Variants in RFX4 observed in about 807,000 individuals in gnomAD.
RFX4 encodes the protein transcription factor RFX4.
RFX4 carries 10 observed loss-of-function variants against 95.0 expected under a neutral mutation model. The ratio of observed to expected loss-of-function variants is 0.11; its 90% CI spans 0.06 to 0.18. The LOEUF (loss-of-function observed/expected upper bound fraction) is 0.18. Ranked by LOEUF, RFX4 falls within the 10% of genes least tolerant of loss-of-function variation. The pLI, the probability that RFX4 is intolerant of heterozygous loss-of-function variation, is 1.00. For missense variants in RFX4, 640 were observed against 922.0 expected (o/e 0.69, Z 3.96); for synonymous variants, 321 against 340.7 (o/e 0.94, Z 0.64).
chr12:106,631,219 C>T (rs569048275), intron 2 of RFX4, among the ~76,000 whole-genome samples: 5 of 152,314 alleles, frequency 3.3e-5, no homozygotes, highest in South Asian at 2.1e-4. Context: ...AAACATTCCC[C>T]GATGGTACTG....
At chr12:106,672,339 T>C (rs1043446748) in intron 4 of RFX4, among the ~76,000 whole-genome samples, 10 of 152,018 alleles carry the variant, frequency 6.6e-5, no homozygotes, top group African/African-American at 2.4e-4. Flanking sequence ...CCCACCCCTA[T>C]CCCTGCGGAG....
chr12:106,624,786 C>G (rs1041363943), intron 2 of RFX4, among the ~76,000 whole-genome samples: 2 of 152,188 alleles, frequency 1.3e-5, no homozygotes, highest in Non-Finnish European at 2.9e-5. Context: ...TCATGGTTTA[C>G]CTCTTGGGCT....
rs963748127 is a variant in RFX4, at chr12:106,669,880, A to G, written c.316-12113A>G. On this transcript the variant is annotated intron_variant, in intron 4 of 17. Coordinates refer to ENST00000392842, the MANE Select transcript of RFX4 (RefSeq NM_213594.3). ...TGTGTGTGTGTGTGTGTGTGTGTGT[A>G]GTGCCATGTAAAACTCTGGGGGGTC... 2.9e-3 allele frequency among the ~76,000 whole-genome samples: 214 copies of G among 73,570 alleles called. 1 individual carries two copies. The highest frequency in any genetic ancestry group is 4.4e-3 in the Non-Finnish European group (148 of 33,392). The allele number at this position is 73,570 out of a possible 152,430, so 48.3% of individuals were successfully genotyped here.
intron 17 of RFX4, among the ~76,000 whole-genome samples, chr12:106,754,357 C>CTCAT (rs1369533200): frequency 3.9e-5 from 6 of 152,216 alleles, no homozygotes; most frequent in Non-Finnish European, 7.3e-5. Context: ...CTCCAAGCAT[C>CTCAT]TCATTCATTC....
chr12:106,682,153 C>A (rs1311327778), intron 5 of RFX4, 99 bp downstream of exon 5: 12 of 1,245,718 alleles, frequency 9.6e-6, no homozygotes, highest in Non-Finnish European at 1.4e-5. Context: ...GTCTGCAGGC[C>A]TGGCAGAAGT....
rs1032534483 is a variant in RFX4 at position 106,684,973 on chromosome 12, G to A, written c.378-1911G>A. On this transcript the variant is annotated intron_variant, in intron 5 of 17. Coordinates refer to ENST00000392842, the MANE Select transcript of RFX4 (RefSeq NM_213594.3). ...TGACGTGCTCATCTCTTCCCTCCTC[G>A]CAAAAGCCCTTCCCATAATTCAAAA... is the stretch of plus-strand genomic sequence containing the variant. 19 of 1,598,138 alleles carry A rather than the reference G, an allele frequency of 1.2e-5. No individual in the cohort carries two copies. The East Asian group carries it at 1.6e-4, about 13-fold the overall frequency.
At chr12:106,757,714 T>A (rs2043136141) in intron 17 of RFX4, among the ~76,000 whole-genome samples, 1 of 152,226 alleles carries the variant, frequency 6.6e-6, no homozygotes, top group African/African-American at 2.4e-5. Flanking sequence ...TGCTCCTGAC[T>A]GGGCCACCTT....
At chr12:106,610,989 T>G (rs1055977963) in intron 2 of RFX4, among the ~76,000 whole-genome samples, 2 of 147,842 alleles carry the variant, frequency 1.4e-5, no homozygotes, top group Non-Finnish European at 1.5e-5. Context: ...TTATTTTCTG[T>G]TTTTTTTTTA....
intron 13 of RFX4, among the ~76,000 whole-genome samples, chr12:106,722,548 C>T (rs548872457): frequency 1.3e-5 from 2 of 152,248 alleles, no homozygotes; most frequent in Non-Finnish European, 2.9e-5. Context: ...AAATGTGTTT[C>T]TTTTTGAACC....
chr12:106,640,710 A>G lies in RFX4; in HGVS notation c.191+1318A>G, dbSNP rs149592640. 5.1e-4 allele frequency among the ~76,000 whole-genome samples: 77 copies of G among 151,986 alleles called. 1 individual carries two copies. Among genetic ancestry groups the G allele is most frequent in the African/African-American group, 1.8e-3 (75 of 41,440 alleles). ...ATGCAAGTTCCCATAGTGCCAAGAC[A>G]TCGAATGAGGCATCGATGTAAAGGA... On this transcript the variant is annotated intron_variant, in intron 3 of 17. Coordinates refer to ENST00000392842, the MANE Select transcript of RFX4 (RefSeq NM_213594.3).
At chr12:106,707,958 G>A (rs2042118674) in intron 8 of RFX4, among the ~76,000 whole-genome samples, 1 of 152,100 alleles carries the variant, frequency 6.6e-6, no homozygotes, top group Admixed American at 6.5e-5. Context: ...CATGGCGAAA[G>A]CCCATCTCTA....
rs2040036704 is a variant in RFX4 at position 106,614,662 on chromosome 12, C to T, written c.130+5779C>T. ...TAGCTGGGACTACAGGCACCCGCCA[C>T]CACGCCCGGCTAATTTTTTTGTATT... On this transcript the variant is annotated intron_variant, in intron 2 of 17. Transcript: ENST00000392842. Among the ~76,000 whole-genome samples, 4 of 152,020 alleles carry T rather than the reference C, an allele frequency of 2.6e-5. No homozygotes were observed. In the South Asian group the frequency reaches 8.3e-4, roughly 32 times the overall value.
At chr12:106,609,116 A>G (rs2039902629) in intron 2 of RFX4, among the ~76,000 whole-genome samples, 1 of 152,186 alleles carries the variant, frequency 6.6e-6, no homozygotes, top group South Asian at 2.1e-4. Context: ...TTACATACTC[A>G]TCTTCTGCAG....
At chr12:106,623,575 C>A (rs530075624) in intron 2 of RFX4, among the ~76,000 whole-genome samples, 4 of 152,188 alleles carry the variant, frequency 2.6e-5, no homozygotes, top group Non-Finnish European at 5.9e-5. Flanking sequence ...AACCCCAGTA[C>A]TTGGCACAGG....
At chr12:106,646,548 G>T (rs981658603) in intron 3 of RFX4, among the ~76,000 whole-genome samples, 5 of 150,194 alleles carry the variant, frequency 3.3e-5, no homozygotes, top group African/African-American at 1.2e-4. Flanking sequence ...TCAGTAGGTT[G>T]TAGGTCAAAC....
rs188297634 is a variant in RFX4, at chr12:106,620,567, A to G, written c.130+11684A>G. The stretch of plus-strand genomic sequence containing the variant: ...AAGGGCAAAAGCAGAACTACTGATA[A>G]GGGTCCAACAAAGATCACAAGGCAA... On this transcript the variant is annotated intron_variant, in intron 2 of 17. Transcript: ENST00000392842. 1.7e-4 allele frequency among the ~76,000 whole-genome samples: 26 copies of G among 152,184 alleles called. No individual in the cohort carries two copies. The East Asian group carries it at 3.7e-3, about 22-fold the overall frequency.
chr12:106,615,385 AATAAGTCGTGATATCTGGTAGC>A (rs1179423734), intron 2 of RFX4, among the ~76,000 whole-genome samples: 1 of 152,168 alleles, frequency 6.6e-6, no homozygotes, highest in Non-Finnish European at 1.5e-5. Context: ...GCACCTATAA[AATAAGTCGTGATATCTGGTAGC>A]ATAAGACCTC....
At chr12:106,697,929 G>A (rs2041912007) in intron 8 of RFX4, among the ~76,000 whole-genome samples, 1 of 151,840 alleles carries the variant, frequency 6.6e-6, no homozygotes, top group Non-Finnish European at 1.5e-5. Context: ...ATATCTGGTT[G>A]AATGTGTGTG....
At chr12:106,698,231 C>T (rs923359285) in intron 8 of RFX4, among the ~76,000 whole-genome samples, 16 of 152,058 alleles carry the variant, frequency 1.1e-4, no homozygotes, top group African/African-American at 3.9e-4. Context: ...GCCTCAGCCT[C>T]CCTTTGTGCT....
Sources: allele counts gnomAD v4.1 joint callset (sites outside exome capture counted in the v4.1 genomes callset), GRCh38; gene constraint gnomAD v4.1.1; transcripts MANE v1.5; gene names NCBI Gene and HGNC (gene_info 2026-07-23, HGNC 2026-07-21).